The following SLC44A1 variants were observed in gnomAD, a reference collection of about 807,000 sequenced individuals.
SLC44A1 encodes choline transporter-like protein 1.
In SLC44A1, 26 loss-of-function variants were observed where a neutral mutation model predicts 79.3. The ratio of observed to expected loss-of-function variants is 0.33; its 90% CI spans 0.24 to 0.46. The LOEUF (loss-of-function observed/expected upper bound fraction) is 0.46, where lower values mean the gene tolerates loss of function less well. Among genes scored for constraint, SLC44A1 ranks in the 20% least tolerant of loss-of-function variants. The pLI, the probability that SLC44A1 is intolerant of heterozygous loss-of-function variation, is 1.00. For synonymous variants in SLC44A1, 263 were observed against 286.2 expected (o/e 0.92, Z 0.82); for missense variants, 688 against 798.1 (o/e 0.86, Z 1.66).
intron 1 of SLC44A1, among the ~76,000 whole-genome samples, chr9:105,251,252 A>G (rs989973205): frequency 1.1e-4 from 17 of 152,086 alleles, no homozygotes; most frequent in Admixed American, 6.5e-5. Flanking sequence ...AATGATACCA[A>G]TGCCCTGGTT....
At chr9:105,339,022 A>T (rs1827008936) in intron 4 of SLC44A1, among the ~76,000 whole-genome samples, 1 of 152,226 alleles carries the variant, frequency 6.6e-6, no homozygotes. Context: ...GCTGCGTGGC[A>T]TTGCATTTGG....
chr9:105,306,662 A>G (rs1335952320), intron 2 of SLC44A1, among the ~76,000 whole-genome samples: 1 of 150,848 alleles, frequency 6.6e-6, no homozygotes, highest in Admixed American at 6.6e-5. Flanking sequence ...TAGCATATAT[A>G]TGTAACATTT....
At chr9:105,330,766 C>T (rs904320956) in intron 3 of SLC44A1, among the ~76,000 whole-genome samples, 2 of 152,162 alleles carry the variant, frequency 1.3e-5, no homozygotes, top group African/African-American at 4.8e-5. Context: ...TAAAAATAAA[C>T]CTTTTCCTCT....
intron 3 of SLC44A1, among the ~76,000 whole-genome samples, chr9:105,313,467 G>C (rs2131316327): frequency 6.6e-6 from 1 of 152,262 alleles, no homozygotes; most frequent in Non-Finnish European, 1.5e-5. Context: ...GTTGGTCAGG[G>C]CTGGGATTTC....
chr9:105,257,414 C>T (rs977067323), intron 1 of SLC44A1, among the ~76,000 whole-genome samples: 5 of 151,800 alleles, frequency 3.3e-5, no homozygotes, highest in East Asian at 1.9e-4. Flanking sequence ...TTTGTAGAGA[C>T]GAGGTCTTGT....
intron 1 of SLC44A1, among the ~76,000 whole-genome samples, chr9:105,269,962 A>G (rs558188770): frequency 5.3e-4 from 80 of 152,334 alleles, no homozygotes; most frequent in African/African-American, 1.9e-3. Flanking sequence ...GAAACAGTTT[A>G]CTCACCTACT....
At chr9:105,361,734 A>G (rs976433242) in intron 8 of SLC44A1, among the ~76,000 whole-genome samples, 1 of 152,170 alleles carries the variant, frequency 6.6e-6, no homozygotes, top group Non-Finnish European at 1.5e-5. Context: ...CAAACTTTTC[A>G]TTTAACTTTA....
intron 13 of SLC44A1, among the ~76,000 whole-genome samples, chr9:105,381,699 A>G (rs1828471659): frequency 6.6e-6 from 1 of 152,244 alleles, no homozygotes; most frequent in South Asian, 2.1e-4. Flanking sequence ...AAGATTCATA[A>G]GTGTGTTGCT....
intron 1 of SLC44A1, among the ~76,000 whole-genome samples, chr9:105,282,056 C>T (rs1418276238): frequency 4.6e-5 from 7 of 152,148 alleles, no homozygotes; most frequent in Admixed American, 4.6e-4. Context: ...AGAAGACTGG[C>T]TGGTGGGCAA....
At position 105,390,094 on chromosome 9, in the gene SLC44A1, G is replaced by A. The variant is rs1341149269; in HGVS notation, c.*1038G>A. The A allele has an allele frequency of 1.6e-6, 2 of 1,266,450 alleles. No individual in the cohort carries two copies. Among genetic ancestry groups the A allele is most frequent in the Non-Finnish European group, 2.0e-6 (2 of 999,258 alleles). The allele number at this position is 1,266,450 out of a possible 1,614,324, so 78.5% of individuals were successfully genotyped here. A position where few individuals can be genotyped will look rare whatever the true frequency, so the allele number is the denominator to read the frequency against. On this transcript the variant is annotated 3_prime_UTR_variant, in exon 16 of 16. Transcript: ENST00000374720. ...GCTCCTCTCCTTGGCAATTCATTGAGTATCCAGAGTTCTACGATGTTTAAC... is the reference window on the plus strand; with the variant it reads ...GCTCCTCTCCTTGGCAATTCATTGAATATCCAGAGTTCTACGATGTTTAAC...
At chr9:105,282,531 T>G (rs557116979) in intron 1 of SLC44A1, among the ~76,000 whole-genome samples, 27 of 152,242 alleles carry the variant, frequency 1.8e-4, no homozygotes, top group Non-Finnish European at 3.1e-4. Flanking sequence ...TGCTTCTTAA[T>G]AATAGATTGG....
intron 4 of SLC44A1, among the ~76,000 whole-genome samples, chr9:105,341,348 A>AG (rs1358202503): frequency 1.3e-5 from 2 of 151,284 alleles, no homozygotes; most frequent in Non-Finnish European, 2.9e-5. Context: ...AAAAAAAAAA[A>AG]AAAGAAAAAG....
At chr9:105,340,768 T>C (rs1827063204) in intron 4 of SLC44A1, among the ~76,000 whole-genome samples, 1 of 152,212 alleles carries the variant, frequency 6.6e-6, no homozygotes, top group African/African-American at 2.4e-5. Context: ...TGAAATTTTA[T>C]TACCTCTAGA....
At chr9:105,254,294 G>A (rs1156443809) in intron 1 of SLC44A1, among the ~76,000 whole-genome samples, 3 of 152,168 alleles carry the variant, frequency 2.0e-5, no homozygotes, top group African/African-American at 7.2e-5. Flanking sequence ...CTTTTGCTGA[G>A]CTGACAATCT....
chr9:105,348,767 C>G (rs1008841757), intron 5 of SLC44A1, among the ~76,000 whole-genome samples: 1 of 152,038 alleles, frequency 6.6e-6, no homozygotes, highest in African/African-American at 2.4e-5. Context: ...AAATCTGCAA[C>G]AAACTTAGAA....
chr9:105,376,328 CACACACACACACACACACACACT>C (rs1370145283), intron 13 of SLC44A1, among the ~76,000 whole-genome samples: 26 of 139,122 alleles, frequency 1.9e-4, no homozygotes, highest in Middle Eastern at 3.7e-3. Flanking sequence ...CACACACACA[CACACACACACACACACACACACT>C]ACACACACAC....
chr9:105,339,231 T>TAAA (rs111867599), intron 4 of SLC44A1, among the ~76,000 whole-genome samples: 14 of 148,320 alleles, frequency 9.4e-5, no homozygotes, highest in Middle Eastern at 3.4e-3. Context: ...AGATCTACTA[T>TAAA]AAAAAAAAAA....
intron 3 of SLC44A1, among the ~76,000 whole-genome samples, chr9:105,334,118 T>C (rs1229083201): frequency 1.3e-5 from 2 of 152,170 alleles, no homozygotes; most frequent in Admixed American, 6.5e-5. Context: ...TTATCAGCCA[T>C]GGAAACAGTC....
chr9:105,419,790 C>T (rs1431546214), intron 15 of SLC44A1, among the ~76,000 whole-genome samples: 3 of 151,820 alleles, frequency 2.0e-5, no homozygotes, highest in Admixed American at 6.6e-5. Context: ...TGGCATGTGC[C>T]TGTAATCCAG....
Sources: gnomAD v4.1 joint callset for allele counts (sites outside exome capture counted in the v4.1 genomes callset) on GRCh38, gnomAD v4.1.1 for gene constraint, MANE v1.5 for transcripts, NCBI Gene and HGNC (gene_info 2026-07-23, HGNC 2026-07-21) for gene names.